Variants in NTM observed in about 807,000 individuals in gnomAD.
The protein encoded by NTM is neurotrimin.
NTM carries 13 observed loss-of-function variants against 42.1 expected under a neutral mutation model. That is an observed-to-expected ratio of 0.31 (90% CI 0.20 to 0.49). NTM has a LOEUF of 0.49. Ranked by LOEUF, NTM falls within the 20% of genes least tolerant of loss-of-function variation. NTM has a pLI of 0.99. For missense variants in NTM, 373 were observed against 452.8 expected (o/e 0.82, Z 1.60); for synonymous variants, 187 against 179.2 (o/e 1.04, Z -0.35).
At chr11:131,452,119 G>T (rs1385816168) in intron 1 of NTM, among the ~76,000 whole-genome samples, 1 of 152,210 alleles carries the variant, frequency 6.6e-6, no homozygotes, top group Non-Finnish European at 1.5e-5. Flanking sequence ...AAAGAAGTGG[G>T]GGGAGGGATT....
At chr11:131,584,664 C>A (rs1161639483) in intron 1 of NTM, among the ~76,000 whole-genome samples, 2 of 152,216 alleles carry the variant, frequency 1.3e-5, no homozygotes, top group South Asian at 2.1e-4. Context: ...TTTGTTACTA[C>A]CCCTGGGGTT....
intron 2 of NTM, among the ~76,000 whole-genome samples, chr11:131,944,773 C>A (rs1198279921): frequency 6.6e-6 from 1 of 152,162 alleles, no homozygotes; most frequent in African/African-American, 2.4e-5. Flanking sequence ...GGAGTATATG[C>A]CTGATCACAC....
intron 1 of NTM, among the ~76,000 whole-genome samples, chr11:131,461,180 G>A (rs1951341257): frequency 1.3e-5 from 2 of 152,194 alleles, no homozygotes. Context: ...ATGCCTGTGG[G>A]CAATCACTGT....
At chr11:131,426,622 T>C (rs182607686) in intron 1 of NTM, among the ~76,000 whole-genome samples, 52 of 152,272 alleles carry the variant, frequency 3.4e-4, no homozygotes, top group African/African-American at 1.3e-3. Flanking sequence ...GCTCTTAATC[T>C]GAAATGAAAT....
intron 1 of NTM, among the ~76,000 whole-genome samples, chr11:131,386,983 A>G (rs1340828723): frequency 6.6e-6 from 1 of 152,140 alleles, no homozygotes. Context: ...ATCTTTACAA[A>G]TTACAAAGCT....
rs989055613 is a variant in NTM at position 131,872,539 on chromosome 11, C to G, written c.83-39025C>G. ...AACAGTTACCTATCATTTTCTGGCT[C>G]TCTGTCAAATTTTGGTAAATTTTGC... On this transcript the variant is annotated intron_variant, in intron 1 of 8. Transcript: ENST00000683400. 2.6e-5 allele frequency among the ~76,000 whole-genome samples: 4 copies of G among 152,152 alleles called. No individual in the cohort carries two copies. The South Asian group carries it at 8.3e-4, about 31-fold the overall frequency.
At chr11:131,874,025 A>G (rs1318318085) in intron 1 of NTM, among the ~76,000 whole-genome samples, 1 of 75,448 alleles carries the variant, frequency 1.3e-5, no homozygotes, top group Non-Finnish European at 2.9e-5. Flanking sequence ...TATATAATAT[A>G]ATATAATATA....
In NTM at chr11:132,162,333, TTG is replaced by T. The variant is rs373177414; in HGVS notation, c.400+15829_400+15830del. ...GTATGTGGGTGGAGTGTTGATGTGA[TTG>T]TGTGTGTGTTTGTGGGGCATGTGGG... On this transcript the variant is annotated intron_variant, in intron 3 of 8. Transcript: ENST00000683400. 3.8e-4 allele frequency among the ~76,000 whole-genome samples: 57 copies of T among 149,914 alleles called. No homozygotes were observed. In the South Asian group the frequency reaches 5.2e-3, roughly 14 times the overall value.
At chr11:132,257,134 T>G (rs2092548679) in intron 4 of NTM, among the ~76,000 whole-genome samples, 2 of 152,178 alleles carry the variant, frequency 1.3e-5, no homozygotes, top group African/African-American at 4.8e-5. Context: ...TTTGACTTAT[T>G]GCATGAAGCA....
At chr11:132,244,448 A>T (rs984824290) in intron 4 of NTM, among the ~76,000 whole-genome samples, 5 of 152,252 alleles carry the variant, frequency 3.3e-5, no homozygotes, top group African/African-American at 1.2e-4. Context: ...TGATTCATCA[A>T]TTCTGGGATT....
intron 1 of NTM, among the ~76,000 whole-genome samples, chr11:131,591,294 G>A (rs1037348749): frequency 8.5e-5 from 13 of 152,192 alleles, no homozygotes; most frequent in Non-Finnish European, 1.6e-4. Flanking sequence ...CCTCCTGGGG[G>A]GCCCAGATCT....
Position 132,095,236 on chromosome 11 carries a change from G to A in NTM, c.168-51046G>A, listed in dbSNP as rs557191239. On this transcript the variant is annotated intron_variant, in intron 2 of 8. Transcript: ENST00000683400. Reference sequence around the variant, plus strand: ...GCTGCTCACACTTTTACTTCTCCCCGCCTTTCTGATTCTTTGCCTAATTTG... The same window carrying A: ...GCTGCTCACACTTTTACTTCTCCCCACCTTTCTGATTCTTTGCCTAATTTG... 4.1e-4 allele frequency among the ~76,000 whole-genome samples: 62 copies of A among 152,186 alleles called. 1 individual carries two copies. The highest frequency in any genetic ancestry group is 2.5e-3 in the East Asian group (13 of 5,164).
In NTM at chr11:132,302,922, T is replaced by G. The variant is rs561547818; in HGVS notation, c.527-4767T>G. Among the ~76,000 whole-genome samples, 87 of 152,282 alleles carry G rather than the reference T, an allele frequency of 5.7e-4. 1 individual carries two copies. The South Asian group carries it at 0.015, about 26-fold the overall frequency. On this transcript the variant is annotated intron_variant, in intron 4 of 8. Transcript: ENST00000683400. Reference sequence around the variant, plus strand: ...ATTTGTGAGAATTTCCTAGGAAGATTATGCAAGCACCTCATCCCAGGAGAT... The same window carrying G: ...ATTTGTGAGAATTTCCTAGGAAGATGATGCAAGCACCTCATCCCAGGAGAT...
chr11:132,128,419 G>A (rs73593358), intron 2 of NTM, among the ~76,000 whole-genome samples: 9,193 of 152,176 alleles, frequency 0.06, 384 homozygotes, highest in African/African-American at 0.12. Context: ...GAGGCTGCCT[G>A]GGGACTGTAG....
At chr11:131,935,987 A>G (rs757295948) in intron 2 of NTM, among the ~76,000 whole-genome samples, 2 of 152,128 alleles carry the variant, frequency 1.3e-5, no homozygotes, top group Non-Finnish European at 2.9e-5. Context: ...TAAGAGTGAT[A>G]AAAAGAGGGG....
chr11:132,274,827 G>A (rs529610864), intron 4 of NTM, among the ~76,000 whole-genome samples: 4 of 152,018 alleles, frequency 2.6e-5, no homozygotes, highest in Admixed American at 6.6e-5. Context: ...AGTGTTCAGC[G>A]CTGTTTCATT....
At chr11:132,315,099 T>C (rs2095392989) in intron 7 of NTM, 2 of 998,092 alleles carry the variant, frequency 2.0e-6, no homozygotes, top group Non-Finnish European at 2.4e-6. Context: ...TTCTCAGTGA[T>C]GATGGCTCCT....
intron 2 of NTM, among the ~76,000 whole-genome samples, chr11:132,078,228 G>A (rs1371297755): frequency 6.6e-6 from 1 of 152,182 alleles, no homozygotes; most frequent in Non-Finnish European, 1.5e-5. Flanking sequence ...AGTTTCTCAA[G>A]GATTCCAAAT....
chr11:131,936,031 A>G (rs1023176452), intron 2 of NTM, among the ~76,000 whole-genome samples: 1 of 152,212 alleles, frequency 6.6e-6, no homozygotes, highest in Non-Finnish European at 1.5e-5. Context: ...ATGCATAAAA[A>G]TGGATTCTTA....
Sources: allele counts gnomAD v4.1 joint callset (sites outside exome capture counted in the v4.1 genomes callset), GRCh38; gene constraint gnomAD v4.1.1; transcripts MANE v1.5; gene names NCBI Gene and HGNC (gene_info 2026-07-23, HGNC 2026-07-21).